Variants in SLC1A3 observed in about 807,000 individuals in gnomAD.
SLC1A3 encodes solute carrier family 1 member 3.
SLC1A3 carries 21 observed loss-of-function variants against 48.1 expected under a neutral mutation model. The ratio of observed to expected loss-of-function variants is 0.44; its 90% confidence interval spans 0.31 to 0.63. The LOEUF (loss-of-function observed/expected upper bound fraction) is 0.63. Ranked by LOEUF, SLC1A3 falls within the 20% of genes least tolerant of loss-of-function variation. The probability of loss-of-function intolerance (pLI) is 0.08; values close to 1 mark genes in which losing one functional copy is unlikely to be tolerated. For missense variants in SLC1A3, 546 were observed against 689.0 expected, an observed-to-expected ratio of 0.79 and a Z score of 2.32; for synonymous variants, 239 against 251.4, an observed-to-expected ratio of 0.95 and a Z score of 0.47.
In SLC1A3 at chr5:36,686,162, G is replaced by A; in HGVS notation, c.1522G>A (p.Glu508Lys). The part of the protein sequence containing the change: ...SRHELKNRDV[E>K]MGNSVIEENE... Reference sequence around the variant, plus strand: ...ACATGAACTGAAGAACAGAGATGTTGAAATGGGTAACTCAGTGATTGAAGA... The same window carrying A: ...ACATGAACTGAAGAACAGAGATGTTAAAATGGGTAACTCAGTGATTGAAGA... The change falls in exon 10 of 10, where the codon GAA becomes AAA. Residue 508 changes from glutamate to lysine, a missense_variant. Physicochemically the swap from Glu to Lys is moderately conservative, Grantham distance 56. This residue lies in a region of SLC1A3 where 56 missense variants were observed against 59.0 expected (regional missense o/e 0.95). Transcript: ENST00000265113. 6.2e-7 allele frequency: 1 copy of A among 1,614,026 alleles called. No individual in the cohort carries two copies. Among genetic ancestry groups the A allele is most frequent in the Non-Finnish European group, 8.5e-7 (1 of 1,179,882 alleles).
At chr5:36,670,744 T>C (rs1312506289) in intron 3 of SLC1A3, 2 of 485,414 alleles carry the variant, frequency 4.1e-6, no homozygotes, top group East Asian at 4.0e-5. Flanking sequence ...GATTGCACTT[T>C]TGGACCATTA....
At chr5:36,613,059 G>T in intron 2 of SLC1A3, 1 of 334,016 alleles carries the variant, frequency 3.0e-6, no homozygotes, top group Non-Finnish European at 5.9e-6. Flanking sequence ...TTTGAAGGTA[G>T]GATACAGGAG....
chr5:36,609,161 C>T, intron 2 of SLC1A3: 1 of 985,352 alleles, frequency 1.0e-6, no homozygotes, highest in Non-Finnish European at 1.2e-6. Flanking sequence ...AGATCTCTTT[C>T]ATTCATTGCT....
At chr5:36,677,406 C>A (rs1231801860) in intron 6 of SLC1A3, among the ~76,000 whole-genome samples, 1 of 152,248 alleles carries the variant, frequency 6.6e-6, no homozygotes, top group Non-Finnish European at 1.5e-5. Flanking sequence ...AAGCTGTCAC[C>A]TCCTTTTACC....
intron 3 of SLC1A3, chr5:36,636,513 C>CTTTT (rs70976242): frequency 7.5e-6 from 1 of 133,874 alleles, no homozygotes; most frequent in African/African-American, 2.9e-5. Context: ...CTTTTTCTTT[C>CTTTT]TTTCTTTCTC....
chr5:36,672,198 G>C (rs540570938), intron 4 of SLC1A3, among the ~76,000 whole-genome samples: 1 of 152,298 alleles, frequency 6.6e-6, no homozygotes, highest in South Asian at 2.1e-4. Context: ...CACAAAATCT[G>C]TCAAAGAGAG....
intron 3 of SLC1A3, among the ~76,000 whole-genome samples, chr5:36,659,090 G>C (rs1042567687): frequency 6.6e-6 from 1 of 152,014 alleles, no homozygotes; most frequent in Non-Finnish European, 1.5e-5. Flanking sequence ...ATCAATGATT[G>C]ATACCAGTCT....
In SLC1A3 at chr5:36,612,187, A is replaced by T. The variant is rs192415407; in HGVS notation, c.181+3583A>T. On this transcript the variant is annotated intron_variant, in intron 2 of 9. Transcript: ENST00000265113. ...CTCCTTTCTCTGATATTGATCTCTC[A>T]CACACACACACATACACACACACTC... is the stretch of plus-strand genomic sequence containing the variant. Among the ~76,000 whole-genome samples the T allele has an allele frequency of 9.4e-4, 143 of 151,642 alleles. 1 individual carries two copies. Among genetic ancestry groups the T allele is most frequent in the African/African-American group, 2.9e-3 (120 of 41,404 alleles).
intron 3 of SLC1A3, among the ~76,000 whole-genome samples, chr5:36,633,740 T>A (rs780483884): frequency 6.6e-6 from 1 of 152,182 alleles, no homozygotes; most frequent in African/African-American, 2.4e-5. Flanking sequence ...ACACAGCATC[T>A]CCATCCTAAA....
intron 5 of SLC1A3, among the ~76,000 whole-genome samples, chr5:36,674,561 A>G (rs942879267): frequency 2.6e-5 from 4 of 152,104 alleles, no homozygotes; most frequent in African/African-American, 9.7e-5. Flanking sequence ...GCCAAAGCAG[A>G]AAGGAATGGC....
At position 36,650,844 on chromosome 5, in the gene SLC1A3, A is replaced by G. The variant is rs553141264; in HGVS notation, c.320-20185A>G. Among the ~76,000 whole-genome samples the G allele has an allele frequency of 5.9e-5, 9 of 152,340 alleles. No homozygotes were observed. The South Asian group carries it at 1.9e-3, about 32-fold the overall frequency. ...ATGCAATTGCTGCTTCCTCAGACTC[A>G]ACAAAAATTATTTGTTTTCTTTGAA... On this transcript the variant is annotated intron_variant, in intron 3 of 9. Coordinates refer to ENST00000265113, the MANE Select transcript of SLC1A3 (RefSeq NM_004172.5).
intron 3 of SLC1A3, among the ~76,000 whole-genome samples, chr5:36,641,338 T>C (rs1740610428): frequency 6.7e-6 from 1 of 150,174 alleles, no homozygotes; most frequent in African/African-American, 2.5e-5. Context: ...AGTTTATAAC[T>C]TTTCCCGAGT....
At chr5:36,671,724 T>G (rs1742003991) in intron 4 of SLC1A3, among the ~76,000 whole-genome samples, 1 of 152,210 alleles carries the variant, frequency 6.6e-6, no homozygotes, top group African/African-American at 2.4e-5. Context: ...AAGGTTTTCC[T>G]TTCATAATGT....
intron 2 of SLC1A3, among the ~76,000 whole-genome samples, chr5:36,621,482 G>A (rs1739666504): frequency 6.6e-6 from 1 of 152,160 alleles, no homozygotes; most frequent in African/African-American, 2.4e-5. Context: ...GTAGGGGAGA[G>A]AGATCCTGAC....
chr5:36,685,509 CAGGT>C (rs967960282), intron 9 of SLC1A3, among the ~76,000 whole-genome samples: 9 of 152,218 alleles, frequency 5.9e-5, no homozygotes, highest in African/African-American at 2.2e-4. Flanking sequence ...CTCCTGACCT[CAGGT>C]GAACCACCTG....
At chr5:36,677,588 G>A (rs1742265883) in intron 6 of SLC1A3, among the ~76,000 whole-genome samples, 2 of 152,224 alleles carry the variant, frequency 1.3e-5, no homozygotes, top group African/African-American at 2.4e-5. Context: ...TTTTAAGGGA[G>A]ACAGACAATA....
At chr5:36,597,353 T>G (rs1332442649) in intron 1 of SLC1A3, among the ~76,000 whole-genome samples, 1 of 142,426 alleles carries the variant, frequency 7.0e-6, no homozygotes, top group Non-Finnish European at 1.5e-5. Flanking sequence ...TTCACGCCAT[T>G]CTCCTGCCTC....
chr5:36,677,173 A>G lies in SLC1A3; in HGVS notation c.849A>G (p.Ala283=), dbSNP rs1742248368. Residue 283 remains alanine, a synonymous_variant, in exon 6 of 10, where the codon GCA becomes GCG. Transcript: ENST00000265113. ...SLNEAIMRLV[A]VIMWYAPVGI... ...ACGAAGCCATCATGAGACTGGTAGCAGTAATAATGTGGTATGTATTTCCAT... is the reference window on the plus strand; with the variant it reads ...ACGAAGCCATCATGAGACTGGTAGCGGTAATAATGTGGTATGTATTTCCAT... 1.9e-6 allele frequency: 3 copies of G among 1,613,422 alleles called. No homozygotes were observed. Among genetic ancestry groups the G allele is most frequent in the East Asian group, 2.2e-5 (1 of 44,890 alleles).
At chr5:36,655,764 C>G in intron 3 of SLC1A3, among the ~76,000 whole-genome samples, 1 of 152,332 alleles carries the variant, frequency 6.6e-6, no homozygotes, top group South Asian at 2.1e-4. Context: ...CTTGACCTCA[C>G]TCACCAGACC....
Sources: allele counts gnomAD v4.1 joint callset (sites outside exome capture counted in the v4.1 genomes callset), GRCh38; gene constraint gnomAD v4.1.1; regional missense constraint gnomAD v4.1.1; transcripts MANE v1.5; gene names NCBI Gene and HGNC (gene_info 2026-07-23, HGNC 2026-07-21).